Variants in SSX7 observed in about 807,000 individuals in gnomAD.
SSX7 encodes SSX family member 7.
Under a neutral mutation model 14.7 loss-of-function variants are expected in SSX7, and 15 were observed. That is an observed-to-expected ratio of 1.02 (90% CI 0.68 to 1.58). The LOEUF (loss-of-function observed/expected upper bound fraction) is 1.58, where lower values mean the gene tolerates loss of function less well. Among genes scored for constraint, SSX7 ranks in the 40% most tolerant of loss-of-function variants. The pLI, the probability that SSX7 is intolerant of heterozygous loss-of-function variation, is 0.00. For synonymous variants in SSX7, 46 were observed against 50.6 expected, an observed-to-expected ratio of 0.91 and a Z score of 0.38; for missense variants, 178 against 146.8, an observed-to-expected ratio of 1.21 and a Z score of -1.10.
chrX:52,653,088 T>C, intron 2 of SSX7, 104 bp from the exon 3 acceptor site: 1 of 1,174,248 alleles, frequency 8.5e-7, no homozygotes, highest in Non-Finnish European at 1.1e-6. Flanking sequence ...GTGGGGATGA[T>C]GCCATGGCTA....
chrX:52,653,536 G>T, intron 1 of SSX7, 44 bp from the exon 2 acceptor site: 2 of 1,204,524 alleles, frequency 1.7e-6, no homozygotes, highest in Non-Finnish European at 2.2e-6. Context: ...CAGCAGCTTT[G>T]GTCTTGTGGA....
chrX:52,652,913 G>A lies in SSX7; in HGVS notation c.141C>T (p.Ser47=). The change falls in exon 3 of 8, where the codon AGC becomes AGT. Residue 47 remains serine (S), a synonymous_variant. Transcript: ENST00000298181. ...WEKMKSLEKI[S]YVYMKRKYEA... is the part of the protein sequence containing the mutation. ...CATACTTTCTCTTCATATACACATA[G>A]CTGATTTTCTCCAAGGATTTCATCT... 8.3e-7 allele frequency: 1 copy of A among 1,204,013 alleles called. No individual in the cohort carries two copies. Among genetic ancestry groups the A allele is most frequent in the Non-Finnish European group, 1.1e-6 (1 of 890,178 alleles).
intron 7 of SSX7, 135 bp from the exon 8 acceptor site, chrX:52,644,805 A>G (rs1489742081): frequency 5.4e-6 from 4 of 738,781 alleles, no homozygotes; most frequent in Non-Finnish European, 8.3e-6. Context: ...CACGCCTTCC[A>G]TGGTTCCTTG....
intron 5 of SSX7, among the ~76,000 whole-genome samples, chrX:52,648,809 A>G (rs782043447): frequency 8.9e-6 from 1 of 111,881 alleles, no homozygotes; most frequent in South Asian, 3.8e-4. Context: ...GAGAGGGGAC[A>G]AAACACTGCT....
rs1305814179 is a variant in SSX7 at position 52,654,782 on chromosome X, G to C, written c.-41C>G. The C allele has an allele frequency of 1.1e-4, 12 of 112,006 alleles. No homozygotes were observed. The highest frequency in any genetic ancestry group is 2.1e-4 in the Non-Finnish European group (11 of 53,444). The allele number at this position is 112,006 out of a possible 1,213,427, so 9.2% of individuals were successfully genotyped here. A position where few individuals can be genotyped will look rare whatever the true frequency, so the allele number is the denominator to read the frequency against. Reference sequence around the variant, plus strand: ...CGTACTCTGAGTATGGAAGAATCGAGAGAGAAAGTCAGAGCATGCATACTC... The same window carrying C: ...CGTACTCTGAGTATGGAAGAATCGACAGAGAAAGTCAGAGCATGCATACTC... On this transcript the variant is annotated 5_prime_UTR_variant, in exon 1 of 8. Transcript: ENST00000298181.
rs782209793 is a variant in SSX7 at position 52,648,311 on chromosome X, A to G, written c.416T>C (p.Leu139Pro). 5.8e-6 allele frequency: 7 copies of G among 1,210,047 alleles called. No homozygotes were observed. In the East Asian group the frequency reaches 1.8e-4, roughly 31 times the overall value. Residue 139 changes from leucine to proline, a missense_variant, in exon 6 of 8, where the codon CTG (leucine) becomes CCG (proline). Leu to Pro is a moderately conservative substitution (Grantham distance 98). Coordinates refer to ENST00000298181, the MANE Select transcript of SSX7 (RefSeq NM_173358.2). ...ASGSQNDGKH[L>P]CPPGKPSTSE... is the part of the protein sequence containing the mutation. ...GGTACTTGGTTTTCCTGGAGGGCAC[A>G]GGTGTTTCCCATCGTTCTGTGAGCC...
Position 52,644,502 on chromosome X carries a change from C to T in SSX7, c.*173G>A. The T allele has an allele frequency of 1.3e-6, 1 of 753,692 alleles. No individual in the cohort carries two copies. The highest frequency in any genetic ancestry group is 2.0e-6 in the Non-Finnish European group (1 of 508,469). 62.1% of individuals were successfully genotyped at this position (753,692 alleles called of 1,213,427 possible). The stretch of plus-strand genomic sequence containing the variant: ...TAAGAAAATACAATGGAAACACTAA[C>T]ATCGAACTCTTGTCACACTAAGAAA... On this transcript the variant is annotated 3_prime_UTR_variant, in exon 8 of 8. Coordinates refer to ENST00000298181, the MANE Select transcript of SSX7 (RefSeq NM_173358.2).
rs1556766882 is a variant in SSX7, at chrX:52,650,406, A to G, written c.281-4T>C. On this transcript the variant is annotated splice_polypyrimidine_tract_variant and splice_region_variant and intron_variant, in intron 4 of 7. Coordinates refer to ENST00000298181, the MANE Select transcript of SSX7 (RefSeq NM_173358.2). Reference sequence around the variant, plus strand: ...AAAGTCATCTGAGGACGTTCAACTGAAAGAGAATATATCAGAATTTTTCTT... The same window carrying G: ...AAAGTCATCTGAGGACGTTCAACTGGAAGAGAATATATCAGAATTTTTCTT... The G allele has an allele frequency of 5.8e-6, 7 of 1,206,908 alleles. No homozygotes were observed. The South Asian group carries it at 1.2e-4, about 21-fold the overall frequency.
At chrX:52,652,568 G>A (rs1260577242) in intron 3 of SSX7, among the ~76,000 whole-genome samples, 2 of 110,130 alleles carry the variant, frequency 1.8e-5, no homozygotes, top group African/African-American at 6.6e-5. Flanking sequence ...GATACAAGCC[G>A]AGAGAAGGAA....
intron 5 of SSX7, among the ~76,000 whole-genome samples, chrX:52,648,962 G>C (rs1435275378): frequency 8.9e-6 from 1 of 111,834 alleles, no homozygotes; most frequent in Non-Finnish European, 1.9e-5. Flanking sequence ...GTGGAATTCA[G>C]TGAGGTGGTA....
intron 4 of SSX7, among the ~76,000 whole-genome samples, 182 bp downstream of exon 4, chrX:52,652,070 T>G (rs191501259): frequency 0.016 from 1,789 of 110,553 alleles, 32 homozygotes; most frequent in African/African-American, 0.056. Flanking sequence ...TTCTTGTTTT[T>G]CGTGTTTTAA....
chrX:52,644,691 G>A, intron 7 of SSX7, 21 bp from the exon 8 acceptor site: 1 of 1,194,852 alleles, frequency 8.4e-7, no homozygotes, highest in East Asian at 3.0e-5. Flanking sequence ...AAGAGAGAAG[G>A]AAAGTAAGTG....
intron 4 of SSX7, 36 bp downstream of exon 4, chrX:52,652,216 G>C (rs1383656708): frequency 1.8e-6 from 2 of 1,093,707 alleles, no homozygotes; most frequent in Non-Finnish European, 2.5e-6. Context: ...AGCTGGGCTT[G>C]AGGAGACCCT....
intron 5 of SSX7, among the ~76,000 whole-genome samples, chrX:52,649,219 T>C (rs141139400): frequency 0.02 from 2,229 of 110,948 alleles, 28 homozygotes; most frequent in Middle Eastern, 0.092. Context: ...TTAATAGAGA[T>C]GAGGTTTTAC....
intron 5 of SSX7, among the ~76,000 whole-genome samples, chrX:52,648,795 CAT>C (rs1556766664): frequency 9.0e-6 from 1 of 111,543 alleles, no homozygotes; most frequent in Non-Finnish European, 1.9e-5. Flanking sequence ...AATGTAAAAA[CAT>C]AGAGAGGGGA....
At chrX:52,647,747 A>T (rs1925295160) in intron 6 of SSX7, among the ~76,000 whole-genome samples, 1 of 111,979 alleles carries the variant, frequency 8.9e-6, no homozygotes, top group South Asian at 3.8e-4. Context: ...CTCTTAGTAG[A>T]CTGCAGTATA....
At chrX:52,653,242 T>G (rs1328745331) in intron 2 of SSX7, 162 bp downstream of exon 2, 2 of 752,301 alleles carry the variant, frequency 2.7e-6, no homozygotes, top group African/African-American at 4.6e-5. Context: ...TCTCCAAGGA[T>G]GCTAGTTGAT....
At chrX:52,647,038 T>C (rs782112066) in intron 6 of SSX7, among the ~76,000 whole-genome samples, 2 of 112,705 alleles carry the variant, frequency 1.8e-5, no homozygotes, top group East Asian at 5.6e-4. Context: ...ACTGCCTTAC[T>C]GCTCAAATAG....
chrX:52,654,551 A>G (rs1925544081), intron 1 of SSX7, among the ~76,000 whole-genome samples: 1 of 107,697 alleles, frequency 9.3e-6, no homozygotes, highest in Non-Finnish European at 1.9e-5. Context: ...TTAAGTTACT[A>G]GAGTTCCCAG....
Sources: allele counts gnomAD v4.1 joint callset (sites outside exome capture counted in the v4.1 genomes callset), GRCh38; gene constraint gnomAD v4.1.1; transcripts MANE v1.5; gene names NCBI Gene and HGNC (gene_info 2026-07-23, HGNC 2026-07-21).